TPRG1L: variants seen among roughly 807,000 people sequenced by gnomAD.
TPRG1L encodes tumor protein p63-regulated gene 1-like protein.
TPRG1L carries 25 observed loss-of-function variants against 29.4 expected under a neutral mutation model. That is an observed-to-expected ratio of 0.85 (90% CI 0.62 to 1.19). The LOEUF is 1.19. Among genes scored for constraint, TPRG1L ranks in the 50% most tolerant of loss-of-function variants. The pLI, the probability that TPRG1L is intolerant of heterozygous loss-of-function variation, is 0.00. For missense variants in TPRG1L, 354 were observed against 364.4 expected (o/e 0.97, Z 0.23); for synonymous variants, 182 against 151.1 (o/e 1.20, Z -1.50).
intron 4 of TPRG1L, among the ~76,000 whole-genome samples, chr1:3,628,065 G>A (rs946028248): frequency 6.6e-6 from 1 of 152,246 alleles, no homozygotes; most frequent in Non-Finnish European, 1.5e-5. Flanking sequence ...CCTGGCGGGG[G>A]TCCTGCACTT....
chr1:3,628,962 G>C lies in TPRG1L; in HGVS notation c.*359G>C, dbSNP rs971923615. ...TCCCACCCCAGCTGCCCCAGCACGCGGGACCCATAGCACACCCCTTAGCGC... is the reference window on the plus strand; with the variant it reads ...TCCCACCCCAGCTGCCCCAGCACGCCGGACCCATAGCACACCCCTTAGCGC... On this transcript the variant is annotated 3_prime_UTR_variant, in exon 5 of 5. Coordinates refer to ENST00000378344, the MANE Select transcript of TPRG1L (RefSeq NM_182752.4). 5.2e-6 allele frequency: 1 copy of C among 193,698 alleles called. No individual in the cohort carries two copies. The highest frequency in any genetic ancestry group is 1.1e-5 in the Non-Finnish European group (1 of 94,200). The allele number at this position is 193,698 out of a possible 1,614,324, so 12.0% of individuals were successfully genotyped here.
intron 2 of TPRG1L, 30 bp from the exon 3 acceptor site, chr1:3,625,683 T>C: frequency 6.3e-7 from 1 of 1,598,832 alleles, no homozygotes; most frequent in Non-Finnish European, 8.5e-7. Context: ...CCGCGTCCAG[T>C]GTGGACTGAG....
In TPRG1L at chr1:3,628,681, G is replaced by GGTCC; in HGVS notation, c.*79_*80insTCCG. On this transcript the variant is annotated 3_prime_UTR_variant, in exon 5 of 5. Coordinates refer to ENST00000378344, the MANE Select transcript of TPRG1L (RefSeq NM_182752.4). The stretch of plus-strand genomic sequence containing the variant: ...GAAGGCCAAGGGATGTGGGGGCTGG[G>GGTCC]GGACTGGGAGGCCTGGCAGTCTTCA... 1 of 1,422,940 alleles carries GGTCC rather than the reference G, an allele frequency of 7.0e-7. No individual in the cohort carries two copies. Among genetic ancestry groups the GGTCC allele is most frequent in the Non-Finnish European group, 9.5e-7 (1 of 1,051,116 alleles). The allele number at this position is 1,422,940 out of a possible 1,614,324, so 88.1% of individuals were successfully genotyped here.
chr1:3,625,560 G>T, intron 2 of TPRG1L, 45 bp downstream of exon 2: 2 of 1,578,514 alleles, frequency 1.3e-6, no homozygotes, highest in Non-Finnish European at 1.7e-6. Context: ...CTCGCCCCGA[G>T]CCGCCGCGCA....
In TPRG1L at chr1:3,625,045, A is replaced by C. The variant is rs984462881; in HGVS notation, c.-28A>C. ...CGGCGACGGCGGTCGCGTCGGCGTC[A>C]GGGTCGGGGTCGGTAAGGGGTGCGG... is the stretch of plus-strand genomic sequence containing the variant. On this transcript the variant is annotated 5_prime_UTR_variant, in exon 1 of 5. Coordinates refer to ENST00000378344, the MANE Select transcript of TPRG1L (RefSeq NM_182752.4). 9.2e-6 allele frequency: 11 copies of C among 1,190,144 alleles called. No homozygotes were observed. In the African/African-American group the frequency reaches 1.5e-4, roughly 16 times the overall value. The allele number at this position is 1,190,144 out of a possible 1,614,324, so 73.7% of individuals were successfully genotyped here. A position where few individuals can be genotyped will look rare whatever the true frequency, so the allele number is the denominator to read the frequency against.
chr1:3,629,088 A>G lies in TPRG1L; in HGVS notation c.*485A>G, dbSNP rs1644508065. The G allele has an allele frequency of 6.6e-6, 1 of 152,380 alleles. No individual in the cohort carries two copies. The highest frequency in any genetic ancestry group is 2.4e-5 in the African/African-American group (1 of 41,406). 9.4% of individuals were successfully genotyped at this position (152,380 alleles called of 1,614,324 possible). ...GTCCAATTTTGTATTTTAAAATGTAATCCATTTTTACTTCAGCTCATCCAA... is the reference window on the plus strand; with the variant it reads ...GTCCAATTTTGTATTTTAAAATGTAGTCCATTTTTACTTCAGCTCATCCAA... On this transcript the variant is annotated 3_prime_UTR_variant, in exon 5 of 5. Transcript: ENST00000378344.
At chr1:3,627,085 C>T (rs947000003) in intron 3 of TPRG1L, among the ~76,000 whole-genome samples, 14 of 152,034 alleles carry the variant, frequency 9.2e-5, no homozygotes, top group African/African-American at 2.7e-4. Context: ...CTGAGGCGGG[C>T]GGATCACCTG....
At position 3,625,168 on chromosome 1, in the gene TPRG1L, C is replaced by CG; in HGVS notation, c.102dup (p.Arg35AlafsTer71). The CG allele has an allele frequency of 8.2e-7, 1 of 1,226,674 alleles. No homozygotes were observed. Among genetic ancestry groups the CG allele is most frequent in the Non-Finnish European group, 1.0e-6 (1 of 982,818 alleles). The allele number at this position is 1,226,674 out of a possible 1,614,324, so 76.0% of individuals were successfully genotyped here. On this transcript the variant is annotated frameshift_variant, in exon 1 of 5. Transcript: ENST00000378344. LOFTEE classifies it high-confidence loss of function. The stretch of plus-strand genomic sequence containing the variant: ...AGGTGGGGGCAGGCGGCGGCCCGGG[C>CG]GGGGGGCGGCCGGGGGCGGGGACGC...
At position 3,625,928 on chromosome 1, in the gene TPRG1L, A is replaced by G. The variant is rs746263417; in HGVS notation, c.470+39A>G. The G allele has an allele frequency of 2.6e-6, 4 of 1,556,598 alleles. 1 individual carries two copies. The highest frequency in any genetic ancestry group is 2.3e-5 in the South Asian group (2 of 85,890). ...GAGTCCAGTATCACTGGACCTAAGCACCAGAGTGGACCTTACAATTCAGCC... is the reference window on the plus strand; with the variant it reads ...GAGTCCAGTATCACTGGACCTAAGCGCCAGAGTGGACCTTACAATTCAGCC... On this transcript the variant is annotated intron_variant, in intron 3 of 4. Coordinates refer to ENST00000378344, the MANE Select transcript of TPRG1L (RefSeq NM_182752.4).
rs2101943238 is a variant in TPRG1L, at chr1:3,625,134, C to G, written c.62C>G (p.Ala21Gly). The G allele has an allele frequency of 8.1e-7, 1 of 1,230,656 alleles. No homozygotes were observed. The highest frequency in any genetic ancestry group is 1.0e-6 in the Non-Finnish European group (1 of 981,564). 76.2% of individuals were successfully genotyped at this position (1,230,656 alleles called of 1,614,324 possible). A position where few individuals can be genotyped will look rare whatever the true frequency, so the allele number is the denominator to read the frequency against. ...ACGAGCCCCACGGCGGTGCTGGCGG[C>G]CGGCGAGGAGGTGGGGGCAGGCGGC... ...AGTSPTAVLA[A>G]GEEVGAGGGP... Residue 21 changes from alanine to glycine, a missense_variant, in exon 1 of 5, where the codon GCC becomes GGC. Transcript: ENST00000378344.
At chr1:3,627,686 C>T in intron 4 of TPRG1L, 33 bp downstream of exon 4, 1 of 1,610,536 alleles carries the variant, frequency 6.2e-7, no homozygotes, top group African/African-American at 1.3e-5. Context: ...AGCCGCGCCC[C>T]CCGCAGTGAT....
rs1234007858 is a variant in TPRG1L at position 3,625,968 on chromosome 1, C to T, written c.470+79C>T. 9 of 1,365,082 alleles carry T rather than the reference C, an allele frequency of 6.6e-6. No individual in the cohort carries two copies. In the East Asian group the frequency reaches 7.2e-5, roughly 11 times the overall value. The allele number at this position is 1,365,082 out of a possible 1,614,324, so 84.6% of individuals were successfully genotyped here. On this transcript the variant is annotated intron_variant, in intron 3 of 4. Coordinates refer to ENST00000378344, the MANE Select transcript of TPRG1L (RefSeq NM_182752.4). ...ACAATTCAGCCCTTTTAAATCAGCC[C>T]CCCAAGCGGTGTGTCTTCTCTGTCA...
Position 3,628,818 on chromosome 1 carries a change from A to G in TPRG1L, c.*215A>G. Reference sequence around the variant, plus strand: ...TTTAATTGGATATTGGACTCTGCTCATATAAGCTACAGACAAAAGCCAAAA... The same window carrying G: ...TTTAATTGGATATTGGACTCTGCTCGTATAAGCTACAGACAAAAGCCAAAA... On this transcript the variant is annotated 3_prime_UTR_variant, in exon 5 of 5. Transcript: ENST00000378344. The G allele has an allele frequency of 2.2e-6, 1 of 449,516 alleles. No individual in the cohort carries two copies. The highest frequency in any genetic ancestry group is 3.9e-6 in the Non-Finnish European group (1 of 254,662). 27.8% of individuals were successfully genotyped at this position (449,516 alleles called of 1,614,324 possible). A position where few individuals can be genotyped will look rare whatever the true frequency, so the allele number is the denominator to read the frequency against.
chr1:3,628,557 AGGC>A lies in TPRG1L; in HGVS notation c.775_777del (p.Ala259del). 1 of 1,613,556 alleles carries A rather than the reference AGGC, an allele frequency of 6.2e-7. No individual in the cohort carries two copies. Among genetic ancestry groups the A allele is most frequent in the East Asian group, 2.2e-5 (1 of 44,868 alleles). On this transcript the variant is annotated inframe_deletion, in exon 5 of 5. Transcript: ENST00000378344. ...GGACTCATGTCCTTCATTAACAACG[AGGC>A]GAAACTGGGCTACTCCATGACCAGG...
intron 1 of TPRG1L, 30 bp from the exon 2 acceptor site, chr1:3,625,380 ACCTGTGATCTTTGC>A: frequency 1.3e-6 from 2 of 1,550,612 alleles, no homozygotes; most frequent in Non-Finnish European, 1.7e-6. Context: ...GCGAGCTGTG[ACCTGTGATCTTTGC>A]CCCCGTCCCC....
chr1:3,625,673 C>G, intron 2 of TPRG1L, 40 bp from the exon 3 acceptor site: 8 of 1,587,618 alleles, frequency 5.0e-6, no homozygotes, highest in Non-Finnish European at 6.9e-6. Context: ...GTCGAGACAG[C>G]CGCGTCCAGT....
rs1036102458 is a variant in TPRG1L at position 3,625,077 on chromosome 1, T to C, written c.5T>C (p.Leu2Pro). The change falls in exon 1 of 5, where the codon CTG becomes CCG. Residue 2 changes from leucine to proline, a missense_variant. Physicochemically the swap from Leu to Pro is moderately conservative, Grantham distance 98. Transcript: ENST00000378344. The stretch of plus-strand genomic sequence containing the variant: ...GGGTCGGTAAGGGGTGCGGCAATGC[T>C]GCAACTGCGGGACTCGGTGGACTCG... Reference protein sequence around the residue: MLQLRDSVDSAG... With the variant: MPQLRDSVDSAG... 4 of 1,206,726 alleles carry C rather than the reference T, an allele frequency of 3.3e-6. No individual in the cohort carries two copies. Among genetic ancestry groups the C allele is most frequent in the Non-Finnish European group, 4.1e-6 (4 of 965,690 alleles). The allele number at this position is 1,206,726 out of a possible 1,614,324, so 74.8% of individuals were successfully genotyped here. A position where few individuals can be genotyped will look rare whatever the true frequency, so the allele number is the denominator to read the frequency against.
At chr1:3,625,966 C>A in intron 3 of TPRG1L, 77 bp downstream of exon 3, 2 of 1,380,572 alleles carry the variant, frequency 1.4e-6, no homozygotes, top group East Asian at 2.4e-5. Flanking sequence ...TTTAAATCAG[C>A]CCCCCAAGCG....
In TPRG1L at chr1:3,628,476, G is replaced by A. The variant is rs758887104; in HGVS notation, c.692G>A (p.Gly231Glu). Residue 231 changes from glycine to glutamate, a missense_variant, in exon 5 of 5, where the codon GGA (glycine) becomes GAA (glutamate). By Grantham distance (98) the Gly-to-Glu change is moderately conservative (BLOSUM62 -2). Coordinates refer to ENST00000378344, the MANE Select transcript of TPRG1L (RefSeq NM_182752.4). ...KKAQKESPLP[G>E]QANGVLILER... is the part of the protein sequence containing the mutation. ...GCCCAAAAAGAAAGCCCTTTGCCAG[G>A]ACAGGCGAATGGCGTGCTGATCCTG... is the stretch of plus-strand genomic sequence containing the variant. The A allele has an allele frequency of 2.2e-5, 35 of 1,614,070 alleles. No homozygotes were observed. The highest frequency in any genetic ancestry group is 2.9e-5 in the Non-Finnish European group (34 of 1,179,924).
Sources: gnomAD v4.1 joint callset for allele counts (sites outside exome capture counted in the v4.1 genomes callset) on GRCh38, gnomAD v4.1.1 for gene constraint, MANE v1.5 for transcripts, NCBI Gene and HGNC (gene_info 2026-07-23, HGNC 2026-07-21) for gene names.